BLTP1: variants seen among roughly 807,000 people sequenced by gnomAD.
The protein encoded by BLTP1 is bridge-like lipid transfer protein family member 1.
the BLTP1 span, chr4:122,274,231 C>T: frequency 1.4e-6 from 1 of 704,264 alleles, no homozygotes; most frequent in African/African-American, 1.9e-5. Flanking sequence ...TTTACCATAA[C>T]TTTAAAATTA....
the BLTP1 span, chr4:122,328,572 ATTTT>A: frequency 1.3e-6 from 1 of 790,284 alleles, no homozygotes; most frequent in African/African-American, 1.9e-5. Flanking sequence ...TTAAATTTAA[ATTTT>A]TTTTTCATGT....
the BLTP1 span, chr4:122,153,012 T>C: frequency 1.0e-6 from 1 of 985,438 alleles, no homozygotes; most frequent in Non-Finnish European, 1.2e-6. Flanking sequence ...AACCCCCGCT[T>C]TCTTCTCTGG....
chr4:122,215,362 A>G, the BLTP1 span: 5 of 981,608 alleles, frequency 5.1e-6, no homozygotes, highest in African/African-American at 8.7e-5. Context: ...GGAATTTTTA[A>G]AAAATAAGAG....
At chr4:122,318,031 C>T in the BLTP1 span, 1 of 1,110,570 alleles carries the variant, frequency 9.0e-7, no homozygotes, top group Non-Finnish European at 1.2e-6. Flanking sequence ...AGGGTTTTGG[C>T]TTGTCTGTAT....
chr4:122,226,541 A>C, the BLTP1 span: 1 of 1,457,978 alleles, frequency 6.9e-7, no homozygotes, highest in Non-Finnish European at 9.0e-7. Context: ...AAATGATATT[A>C]AAGGTAGAAA....
the BLTP1 span, chr4:122,246,894 C>T: frequency 6.5e-7 from 1 of 1,530,238 alleles, no homozygotes; most frequent in Non-Finnish European, 8.8e-7. Flanking sequence ...TTTAAAAATA[C>T]ATTTCTAAGA....
chr4:122,186,267 A>T, the BLTP1 span: 1 of 1,500,320 alleles, frequency 6.7e-7, no homozygotes, highest in Non-Finnish European at 9.0e-7. Context: ...GCATTTAAAC[A>T]TTTGCCTTTA....
the BLTP1 span, chr4:122,238,441 C>G: frequency 4.1e-6 from 4 of 978,586 alleles, no homozygotes; most frequent in African/African-American, 3.3e-5. Context: ...CCTCTCCACT[C>G]CCCCACTTTA....
chr4:122,175,315 C>G, the BLTP1 span: 6 of 951,042 alleles, frequency 6.3e-6, no homozygotes, highest in African/African-American at 1.1e-4. Context: ...AAATAAAAAG[C>G]TCAGAGACTG....
the BLTP1 span, chr4:122,184,956 C>T: frequency 4.4e-4 from 430 of 983,898 alleles, 3 homozygotes; most frequent in African/African-American, 6.7e-3. Flanking sequence ...AGCCCATTTA[C>T]GCCAGTCTTC....
the BLTP1 span, chr4:122,209,086 T>G: frequency 7.2e-7 from 1 of 1,387,958 alleles, no homozygotes; most frequent in Non-Finnish European, 9.4e-7. Flanking sequence ...TGTAGACAGG[T>G]TTGCCCGTAA....
At chr4:122,155,599 C>T in the BLTP1 span, among the ~76,000 whole-genome samples, 1 of 152,176 alleles carries the variant, frequency 6.6e-6, no homozygotes, top group Non-Finnish European at 1.5e-5. Flanking sequence ...GGTGGGATTA[C>T]AGGTGTGAGC....
chr4:122,269,110 C>A, the BLTP1 span: 1 of 956,148 alleles, frequency 1.0e-6, no homozygotes, highest in Non-Finnish European at 1.2e-6. Context: ...AATATCTGAG[C>A]TAAATTTATA....
the BLTP1 span, chr4:122,245,043 G>T: frequency 6.2e-7 from 1 of 1,610,196 alleles, no homozygotes; most frequent in Non-Finnish European, 8.5e-7. Context: ...ATGGTTCATT[G>T]TGCTAGTACC....
the BLTP1 span, among the ~76,000 whole-genome samples, chr4:122,230,366 C>T: frequency 6.6e-6 from 1 of 152,060 alleles, no homozygotes; most frequent in African/African-American, 2.4e-5. Flanking sequence ...TATATAAGGA[C>T]CTGATATTTA....
the BLTP1 span, chr4:122,192,475 T>G: frequency 1.2e-6 from 1 of 838,334 alleles, no homozygotes; most frequent in East Asian, 2.7e-5. Context: ...TATAAACTAT[T>G]TTATTATGGC....
the BLTP1 span, chr4:122,331,798 A>C: frequency 4.1e-6 from 4 of 967,282 alleles, no homozygotes; most frequent in Non-Finnish European, 4.9e-6. Context: ...TATCTTTGGA[A>C]TTCTTTTAAC....
At chr4:122,184,586 G>C in the BLTP1 span, 1 of 468,340 alleles carries the variant, frequency 2.1e-6, no homozygotes, top group Non-Finnish European at 2.8e-6. Flanking sequence ...GTTGCAGTGA[G>C]CTGAGATTGT....
chr4:122,182,964 G>C, the BLTP1 span: 1 of 983,718 alleles, frequency 1.0e-6, no homozygotes, highest in Non-Finnish European at 1.2e-6. Context: ...CTTCATACGT[G>C]TATTCTGGTG....
Sources: gnomAD v4.1 joint callset for allele counts (sites outside exome capture counted in the v4.1 genomes callset) on GRCh38, gnomAD v4.1.1 for gene constraint, MANE v1.5 for transcripts, NCBI Gene and HGNC (gene_info 2026-07-23, HGNC 2026-07-21) for gene names.